The following METTL15 variants were observed in gnomAD, a reference collection of about 807,000 sequenced individuals.
METTL15 encodes the protein methyltransferase 15, mitochondrial 12S rRNA N4-cytidine.
A neutral mutation model predicts 38.3 loss-of-function variants in METTL15; 34 were observed. The ratio of observed to expected loss-of-function variants is 0.89; its 90% CI spans 0.68 to 1.18. The LOEUF is 1.18. Ranked by LOEUF, METTL15 falls within the 50% of genes most tolerant of loss-of-function variation. The probability of loss-of-function intolerance (pLI) is 0.00; values close to 1 mark genes in which losing one functional copy is unlikely to be tolerated. For synonymous variants in METTL15, 162 were observed against 170.9 expected (o/e 0.95, Z 0.41); for missense variants, 438 against 498.4 (o/e 0.88, Z 1.15).
intron 3 of METTL15, among the ~76,000 whole-genome samples, chr11:28,149,840 T>C (rs1056720890): frequency 2.6e-5 from 4 of 151,988 alleles, no homozygotes; most frequent in Admixed American, 1.3e-4. Context: ...AAAATATATT[T>C]GCATTTCTCA....
intron 4 of METTL15, among the ~76,000 whole-genome samples, chr11:28,226,277 AG>A (rs2133874121): frequency 1.3e-5 from 2 of 152,022 alleles, no homozygotes; most frequent in East Asian, 3.9e-4. Flanking sequence ...TTTGGTAAGA[AG>A]GGGTAGGTTT....
intron 6 of METTL15, among the ~76,000 whole-genome samples, chr11:28,455,793 A>G (rs1215294695): frequency 6.6e-6 from 1 of 151,566 alleles, no homozygotes; most frequent in African/African-American, 2.4e-5. Flanking sequence ...TGCAAGCTCC[A>G]CCTCCTGGGT....
At chr11:28,245,895 A>G (rs1422625989) in intron 4 of METTL15, among the ~76,000 whole-genome samples, 1 of 152,072 alleles carries the variant, frequency 6.6e-6, no homozygotes, top group Non-Finnish European at 1.5e-5. Context: ...TAAGGGGGAA[A>G]TCCATACCCC....
chr11:28,461,260 A>G (rs1192936661), intron 6 of METTL15, among the ~76,000 whole-genome samples: 3 of 152,080 alleles, frequency 2.0e-5, no homozygotes, highest in South Asian at 2.1e-4. Context: ...CATTTGAGCA[A>G]TTGACAAGTG....
At chr11:28,481,909 T>C (rs1851398449) in intron 6 of METTL15, among the ~76,000 whole-genome samples, 1 of 152,198 alleles carries the variant, frequency 6.6e-6, no homozygotes, top group African/African-American at 2.4e-5. Flanking sequence ...AGCCCATTGC[T>C]GTTACAAAAT....
intron 6 of METTL15, among the ~76,000 whole-genome samples, chr11:28,472,177 C>A (rs1187888131): frequency 6.6e-6 from 1 of 152,124 alleles, no homozygotes; most frequent in Non-Finnish European, 1.5e-5. Context: ...GAGGTGTTAA[C>A]TAGAACTTGG....
intron 5 of METTL15, among the ~76,000 whole-genome samples, chr11:28,292,443 T>A (rs549136603): frequency 6.6e-6 from 1 of 152,122 alleles, no homozygotes; most frequent in Admixed American, 6.5e-5. Context: ...CACATTTTCT[T>A]AATCCAGTCT....
At chr11:28,241,062 G>A (rs1590208347) in intron 4 of METTL15, among the ~76,000 whole-genome samples, 1 of 152,084 alleles carries the variant, frequency 6.6e-6, no homozygotes, top group African/African-American at 2.4e-5. Context: ...CATTTATTTA[G>A]CATATATTTA....
intron 6 of METTL15, among the ~76,000 whole-genome samples, chr11:28,436,846 T>C (rs947826881): frequency 2.6e-5 from 4 of 152,092 alleles, no homozygotes; most frequent in Admixed American, 6.5e-5. Context: ...CCTGGGTGTG[T>C]CTATGGGGAT....
At chr11:28,229,001 C>T (rs938886568) in intron 4 of METTL15, among the ~76,000 whole-genome samples, 5 of 151,872 alleles carry the variant, frequency 3.3e-5, no homozygotes, top group African/African-American at 1.2e-4. Flanking sequence ...CTCTTTCTAG[C>T]TATGAGATTT....
chr11:28,119,796 A>C (rs1295892320), intron 3 of METTL15, among the ~76,000 whole-genome samples: 1 of 152,146 alleles, frequency 6.6e-6, no homozygotes, highest in African/African-American at 2.4e-5. Flanking sequence ...TCTTTAATGG[A>C]GAGTAGACAT....
chr11:28,427,902 C>CT (rs377012622), intron 6 of METTL15, among the ~76,000 whole-genome samples: 151 of 152,208 alleles, frequency 9.9e-4, no homozygotes, highest in African/African-American at 1.9e-3. Context: ...ATTAGAATAC[C>CT]TTTATTTCTT....
At chr11:28,231,688 A>G (rs925407677) in intron 4 of METTL15, among the ~76,000 whole-genome samples, 2 of 151,812 alleles carry the variant, frequency 1.3e-5, no homozygotes, top group African/African-American at 2.4e-5. Context: ...CTTCATGTCT[A>G]TGTGCTGTTT....
chr11:28,498,305 CCCA>C (rs1851552998), intron 6 of METTL15, among the ~76,000 whole-genome samples: 1 of 151,870 alleles, frequency 6.6e-6, no homozygotes, highest in Admixed American at 6.6e-5. Context: ...ACTATAGGCG[CCCA>C]CCACCACGCC....
chr11:28,225,612 G>C (rs1030184909), intron 4 of METTL15, among the ~76,000 whole-genome samples: 2 of 151,058 alleles, frequency 1.3e-5, no homozygotes, highest in Non-Finnish European at 3.0e-5. Flanking sequence ...CCCCCTGGCT[G>C]GATGCTTATT....
At chr11:28,328,012 C>A in intron 6 of METTL15, 2 of 1,361,038 alleles carry the variant, frequency 1.5e-6, no homozygotes, top group African/African-American at 1.5e-5. Context: ...GCAAAAATAT[C>A]CTGCAGTTCT....
At chr11:28,337,969 A>G (rs534421884), downstream of METTL15, among the ~76,000 whole-genome samples, 10 of 152,182 alleles carry the variant, frequency 6.6e-5, no homozygotes, top group South Asian at 2.1e-4. Context: ...TCAGAACTGG[A>G]TTCCTCTAAT....
chr11:28,495,952 C>T (rs1851532318), intron 6 of METTL15, among the ~76,000 whole-genome samples: 2 of 152,188 alleles, frequency 1.3e-5, no homozygotes, highest in South Asian at 4.1e-4. Context: ...CATGGCTAAC[C>T]GAATTCTTCA....
chr11:28,243,776 A>G (rs1565197051), intron 4 of METTL15, among the ~76,000 whole-genome samples: 1 of 152,184 alleles, frequency 6.6e-6, no homozygotes, highest in East Asian at 1.9e-4. Flanking sequence ...TTGTTTCCTC[A>G]TGAGTCTTCC....
Sources: allele counts gnomAD v4.1 joint callset (sites outside exome capture counted in the v4.1 genomes callset), GRCh38; gene constraint gnomAD v4.1.1; transcripts MANE v1.5; gene names NCBI Gene and HGNC (gene_info 2026-07-23, HGNC 2026-07-21).